CSMD1: variants seen among roughly 807,000 people sequenced by gnomAD.
CSMD1 encodes CUB and sushi domain-containing protein 1.
In CSMD1, 213 loss-of-function variants were observed where a neutral mutation model predicts 417.5. The ratio of observed to expected loss-of-function variants is 0.51; its 90% CI spans 0.46 to 0.57. CSMD1 has a LOEUF of 0.57. Ranked by LOEUF, CSMD1 falls within the 20% of genes least tolerant of loss-of-function variation. The probability of loss-of-function intolerance (pLI) is 0.00; values close to 1 mark genes in which losing one functional copy is unlikely to be tolerated. For missense variants in CSMD1, 6,923 were observed against 4,529.7 expected, an observed-to-expected ratio of 1.53 and a Z score of -15.17; for synonymous variants, 2,862 against 1,736.8, an observed-to-expected ratio of 1.65 and a Z score of -16.11.
intron 3 of CSMD1, among the ~76,000 whole-genome samples, chr8:4,162,918 A>G (rs995608006): frequency 3.9e-5 from 6 of 152,156 alleles, no homozygotes; most frequent in Non-Finnish European, 7.4e-5. Context: ...AACCCTTTGC[A>G]ACCACTGGTC....
At chr8:4,674,526 G>C (rs191370938) in intron 1 of CSMD1, among the ~76,000 whole-genome samples, 5 of 152,238 alleles carry the variant, frequency 3.3e-5, no homozygotes, top group African/African-American at 9.6e-5. Flanking sequence ...AAATCAGCAG[G>C]AGAGGAGCAA....
At chr8:3,539,529 T>G (rs79734042) in intron 10 of CSMD1, among the ~76,000 whole-genome samples, 1 of 152,062 alleles carries the variant, frequency 6.6e-6, no homozygotes, top group Non-Finnish European at 1.5e-5. Context: ...CCACAAAGGT[T>G]CTCATTTTAA....
chr8:3,761,059 A>G (rs1431651160), intron 5 of CSMD1, among the ~76,000 whole-genome samples: 1 of 151,752 alleles, frequency 6.6e-6, no homozygotes, highest in African/African-American at 2.4e-5. Context: ...CAACCTGATC[A>G]AACAGAGAGT....
At chr8:3,838,924 C>CTA (rs1362187040) in intron 5 of CSMD1, among the ~76,000 whole-genome samples, 18 of 87,090 alleles carry the variant, frequency 2.1e-4, no homozygotes, top group African/African-American at 6.2e-4. Flanking sequence ...TGTATAGTCT[C>CTA]TCTATTTATA....
At chr8:4,818,685 C>T (rs1487828748) in intron 1 of CSMD1, among the ~76,000 whole-genome samples, 1 of 152,058 alleles carries the variant, frequency 6.6e-6, no homozygotes, top group African/African-American at 2.4e-5. Context: ...AATTAATAAA[C>T]ATTTAGATGA....
rs201135206 is a variant in CSMD1 at position 4,380,786 on chromosome 8, TA to T, written c.415+39166del. 3.3e-5 allele frequency among the ~76,000 whole-genome samples: 5 copies of T among 150,480 alleles called. No individual in the cohort carries two copies. The East Asian group carries it at 9.7e-4, about 29-fold the overall frequency. ...AAAGTGCTGAAACAAAAAGTATATTTAAAAAACTAAATCTTGGGAGCAAGGC... is the reference window on the plus strand; with the variant it reads ...AAAGTGCTGAAACAAAAAGTATATTTAAAAACTAAATCTTGGGAGCAAGGC... On this transcript the variant is annotated intron_variant, in intron 3 of 69. Coordinates refer to ENST00000635120, the MANE Select transcript of CSMD1 (RefSeq NM_033225.6).
intron 2 of CSMD1, among the ~76,000 whole-genome samples, chr8:4,543,443 G>A (rs1386699988): frequency 6.6e-6 from 1 of 152,010 alleles, no homozygotes; most frequent in Non-Finnish European, 1.5e-5. Flanking sequence ...GTGCAGTTAA[G>A]TTTCCTCCAT....
At chr8:4,773,675 C>G (rs1017567896) in intron 1 of CSMD1, among the ~76,000 whole-genome samples, 5 of 152,134 alleles carry the variant, frequency 3.3e-5, no homozygotes, top group African/African-American at 1.2e-4. Flanking sequence ...CAGCCTTTAT[C>G]GTCAGGCTTT....
At chr8:3,544,194 A>C (rs181215008) in intron 10 of CSMD1, among the ~76,000 whole-genome samples, 99 of 152,246 alleles carry the variant, frequency 6.5e-4, no homozygotes, top group African/African-American at 2.1e-3. Context: ...TTCATGGTTA[A>C]GGGAAGAGAT....
At chr8:3,489,227 G>C (rs976990429) in intron 11 of CSMD1, among the ~76,000 whole-genome samples, 3 of 152,182 alleles carry the variant, frequency 2.0e-5, no homozygotes, top group Non-Finnish European at 4.4e-5. Context: ...AGTAGATTCA[G>C]CAAAAATGGA....
intron 52 of CSMD1, among the ~76,000 whole-genome samples, chr8:3,008,982 G>T (rs1255376817): frequency 2.0e-5 from 3 of 152,196 alleles, no homozygotes; most frequent in Non-Finnish European, 4.4e-5. Flanking sequence ...TTGGAAATGG[G>T]TTCCCTGATT....
intron 6 of CSMD1, among the ~76,000 whole-genome samples, chr8:3,740,669 A>G (rs991709429): frequency 2.0e-5 from 3 of 152,182 alleles, no homozygotes; most frequent in African/African-American, 7.2e-5. Flanking sequence ...ATTTTACGAG[A>G]TGTATTGGGG....
At chr8:4,174,613 T>A (rs535029211) in intron 3 of CSMD1, among the ~76,000 whole-genome samples, 14 of 148,186 alleles carry the variant, frequency 9.4e-5, no homozygotes, top group African/African-American at 3.5e-4. Context: ...TCTTTTATAA[T>A]AATTAAAACA....
intron 42 of CSMD1, among the ~76,000 whole-genome samples, chr8:3,110,752 G>A (rs991299710): frequency 2.6e-5 from 4 of 152,162 alleles, no homozygotes; most frequent in African/African-American, 9.7e-5. Flanking sequence ...CCATCTGAAA[G>A]AGTGTCATCT....
chr8:3,832,549 C>G (rs1802437429), intron 5 of CSMD1, among the ~76,000 whole-genome samples: 1 of 152,050 alleles, frequency 6.6e-6, no homozygotes, highest in South Asian at 2.1e-4. Flanking sequence ...TTGTATATGT[C>G]TGAAGCAAAA....
rs544487379 is a variant in CSMD1 at position 3,092,228 on chromosome 8, A to C, written c.7139-566T>G. Among the ~76,000 whole-genome samples, 502 of 152,308 alleles carry C rather than the reference A, an allele frequency of 3.3e-3. 1 individual carries two copies. The highest frequency in any genetic ancestry group is 0.011 in the African/African-American group (459 of 41,580). On this transcript the variant is annotated intron_variant, in intron 47 of 69. Coordinates refer to ENST00000635120, the MANE Select transcript of CSMD1 (RefSeq NM_033225.6). Reference sequence around the variant, plus strand: ...AAAAAAGAATTGAAGATTCCATGAAAAAGAATTAGATTCATACAGCATTAA... The same window carrying C: ...AAAAAAGAATTGAAGATTCCATGAACAAGAATTAGATTCATACAGCATTAA...
At chr8:4,247,631 T>C (rs760857532) in intron 3 of CSMD1, among the ~76,000 whole-genome samples, 1 of 152,168 alleles carries the variant, frequency 6.6e-6, no homozygotes, top group Non-Finnish European at 1.5e-5. Flanking sequence ...CAGAGGTAGA[T>C]TTCAAGTAAG....
chr8:4,310,861 C>G (rs1400969321), intron 3 of CSMD1, among the ~76,000 whole-genome samples: 2 of 152,054 alleles, frequency 1.3e-5, no homozygotes, highest in Non-Finnish European at 2.9e-5. Flanking sequence ...GCCTTCTTCT[C>G]AAAAGAAAAC....
At chr8:3,641,355 C>G (rs527969559) in intron 7 of CSMD1, among the ~76,000 whole-genome samples, 2 of 152,202 alleles carry the variant, frequency 1.3e-5, no homozygotes, top group South Asian at 4.1e-4. Context: ...AAGTGGAGCC[C>G]TTCATTTGCC....
Sources: gnomAD v4.1 joint callset for allele counts (sites outside exome capture counted in the v4.1 genomes callset) on GRCh38, gnomAD v4.1.1 for gene constraint, MANE v1.5 for transcripts, NCBI Gene and HGNC (gene_info 2026-07-23, HGNC 2026-07-21) for gene names.